ANKRD27: variants seen among roughly 807,000 people sequenced by gnomAD.
ANKRD27 encodes ankyrin repeat domain-containing protein 27.
ANKRD27 carries 112 observed loss-of-function variants against 129.7 expected under a neutral mutation model. That is an observed-to-expected ratio of 0.86 (90% CI 0.74 to 1.01). ANKRD27 has a LOEUF of 1.01. Ranked by LOEUF, ANKRD27 falls within the 50% of genes least tolerant of loss-of-function variation. The pLI is 0.00. For missense variants in ANKRD27, 1,258 were observed against 1,300.5 expected (o/e 0.97, Z 0.50); for synonymous variants, 516 against 511.2 (o/e 1.01, Z -0.13).
At position 32,606,939 on chromosome 19, in the gene ANKRD27, C is replaced by CAAAAAAAAAAAAAAAA. The variant is rs532062312; in HGVS notation, c.2373+680_2373+695dup. Among the ~76,000 whole-genome samples, 16 of 65,646 alleles carry CAAAAAAAAAAAAAAAA rather than the reference C, an allele frequency of 2.4e-4. 2 individuals are homozygous for CAAAAAAAAAAAAAAAA. The highest frequency in any genetic ancestry group is 1.2e-3 in the East Asian group (2 of 1,710). The allele number at this position is 65,646 out of a possible 152,430, so 43.1% of individuals were successfully genotyped here. On this transcript the variant is annotated intron_variant, in intron 23 of 28. Coordinates refer to ENST00000306065, the MANE Select transcript of ANKRD27 (RefSeq NM_032139.3). ...ACAACATGGTGAAACCCCATCTCCACAAAAAAAAAAAAAAAAAAAAAAAAA... is the reference window on the plus strand; with the variant it reads ...ACAACATGGTGAAACCCCATCTCCACAAAAAAAAAAAAAAAAAAAAAAAAAAAAAAAAAAAAAAAAA...
At position 32,611,860 on chromosome 19, in the gene ANKRD27, C is replaced by A. The variant is rs74558262; in HGVS notation, c.2175+3798G>T. On this transcript the variant is annotated intron_variant, in intron 22 of 28. Coordinates refer to ENST00000306065, the MANE Select transcript of ANKRD27 (RefSeq NM_032139.3). ...CCTCCCAAAGTGCTGGGATTACAGGCGTGAGCCATCGTGCCCGGCCAAATT... is the reference window on the plus strand; with the variant it reads ...CCTCCCAAAGTGCTGGGATTACAGGAGTGAGCCATCGTGCCCGGCCAAATT... 0.017 allele frequency among the ~76,000 whole-genome samples: 2,543 copies of A among 152,202 alleles called. 138 individuals are homozygous for A. The East Asian group carries it at 0.21, about 13-fold the overall frequency.
At position 32,609,674 on chromosome 19, in the gene ANKRD27, G is replaced by C. The variant is rs546937059; in HGVS notation, c.2176-1842C>G. ...GATGGGGGAATGGGGGGGTCATAGT[G>C]GGGGGGAAGGCAAAATCTCACAGGA... On this transcript the variant is annotated intron_variant, in intron 22 of 28. Coordinates refer to ENST00000306065, the MANE Select transcript of ANKRD27 (RefSeq NM_032139.3). Among the ~76,000 whole-genome samples the C allele has an allele frequency of 9.3e-5, 13 of 140,360 alleles. No individual in the cohort carries two copies. The Middle Eastern group carries it at 0.015, about 158-fold the overall frequency. 92.1% of individuals were successfully genotyped at this position (140,360 alleles called of 152,430 possible). A position where few individuals can be genotyped will look rare whatever the true frequency, so the allele number is the denominator to read the frequency against.
At chr19:32,658,026 C>A (rs1967575330) in intron 2 of ANKRD27, among the ~76,000 whole-genome samples, 1 of 152,124 alleles carries the variant, frequency 6.6e-6, no homozygotes, top group African/African-American at 2.4e-5. Flanking sequence ...ATTCCGGCGT[C>A]CGAGAGGCCG....
chr19:32,608,359 CT>C, intron 22 of ANKRD27: 1 of 304,380 alleles, frequency 3.3e-6, no homozygotes, highest in Non-Finnish European at 6.5e-6. Flanking sequence ...TCCAAATTTC[CT>C]TTGAGGGGCA....
At chr19:32,653,269 T>C (rs972266120) in intron 2 of ANKRD27, among the ~76,000 whole-genome samples, 1 of 152,200 alleles carries the variant, frequency 6.6e-6, no homozygotes, top group East Asian at 1.9e-4. Flanking sequence ...AGTTAGTTCC[T>C]GGGGCTTAGA....
chr19:32,664,617 A>AAATAACAATAATAAT (rs376769346), intron 1 of ANKRD27, among the ~76,000 whole-genome samples: 23 of 128,328 alleles, frequency 1.8e-4, no homozygotes, highest in African/African-American at 6.5e-4. Flanking sequence ...CTCCATCCCC[A>AAATAACAATAATAAT]AATAATAATA....
chr19:32,661,627 G>A lies in ANKRD27; in HGVS notation c.-30-2582C>T, dbSNP rs113063227. ...CAAAACGCTGGGATTACAGGCATGA[G>A]TCACTGTGCCTGGCCAGAAGTTTTG... is the stretch of plus-strand genomic sequence containing the variant. On this transcript the variant is annotated intron_variant, in intron 1 of 28. Coordinates refer to ENST00000306065, the MANE Select transcript of ANKRD27 (RefSeq NM_032139.3). 6.7e-3 allele frequency among the ~76,000 whole-genome samples: 1,023 copies of A among 152,248 alleles called. 11 individuals are homozygous for A. Among genetic ancestry groups the A allele is most frequent in the African/African-American group, 0.023 (956 of 41,536 alleles).
intron 17 of ANKRD27, among the ~76,000 whole-genome samples, chr19:32,625,329 G>A (rs1023401530): frequency 7.9e-5 from 12 of 152,056 alleles, no homozygotes; most frequent in Admixed American, 6.6e-4. Context: ...AGAACCAGAC[G>A]GTAGCAAGGA....
intron 1 of ANKRD27, among the ~76,000 whole-genome samples, chr19:32,674,571 A>ACC (rs10711405): frequency 2.6e-5 from 4 of 151,204 alleles, no homozygotes; most frequent in African/African-American, 9.7e-5. Flanking sequence ...GAATGCAGAG[A>ACC]CCCCCCCGCC....
chr19:32,637,161 C>T (rs1274558690), intron 12 of ANKRD27: 1 of 152,236 alleles, frequency 6.6e-6, no homozygotes, highest in African/African-American at 2.4e-5. Flanking sequence ...CACCTGAGAG[C>T]ACCTGGACAG....
At chr19:32,603,368 C>T (rs780058425) in intron 25 of ANKRD27, among the ~76,000 whole-genome samples, 10 of 152,142 alleles carry the variant, frequency 6.6e-5, no homozygotes, top group Admixed American at 2.0e-4. Flanking sequence ...TAACAGCCTA[C>T]TCGCTGTCTA....
intron 13 of ANKRD27, among the ~76,000 whole-genome samples, chr19:32,630,444 G>A: frequency 6.6e-6 from 1 of 152,244 alleles, no homozygotes; most frequent in East Asian, 1.9e-4. Flanking sequence ...CCAACCCAGT[G>A]CACACGCCCA....
intron 1 of ANKRD27, among the ~76,000 whole-genome samples, chr19:32,672,342 A>G (rs562643469): frequency 6.6e-4 from 101 of 152,346 alleles, no homozygotes; most frequent in African/African-American, 2.4e-3. Flanking sequence ...CTCCTGACCT[A>G]TAACATTTAG....
At chr19:32,611,501 C>T (rs1568398674) in intron 22 of ANKRD27, among the ~76,000 whole-genome samples, 2 of 152,206 alleles carry the variant, frequency 1.3e-5, no homozygotes, top group Non-Finnish European at 2.9e-5. Flanking sequence ...GAGTCACCCA[C>T]GCTGAAGTTC....
chr19:32,634,511 C>T (rs1453304681), intron 12 of ANKRD27, among the ~76,000 whole-genome samples: 1 of 152,196 alleles, frequency 6.6e-6, no homozygotes. Context: ...AAGAGGGGTG[C>T]CTTGGGCTGT....
At position 32,639,601 on chromosome 19, in the gene ANKRD27, G is replaced by A. The variant is rs1486255054; in HGVS notation, c.984-113C>T. On this transcript the variant is annotated intron_variant, in intron 11 of 28. Coordinates refer to ENST00000306065, the MANE Select transcript of ANKRD27 (RefSeq NM_032139.3). ...AATATCTAGTCAGTTGGTTCGCTCA[G>A]GAAGCTACGACCACCATCCCCTGGA... The A allele has an allele frequency of 2.6e-6, 3 of 1,136,040 alleles. No individual in the cohort carries two copies. In the Admixed American group the frequency reaches 6.0e-5, roughly 23 times the overall value. 70.4% of individuals were successfully genotyped at this position (1,136,040 alleles called of 1,614,324 possible). A position where few individuals can be genotyped will look rare whatever the true frequency, so the allele number is the denominator to read the frequency against.
chr19:32,626,582 G>T (rs1028220911), intron 16 of ANKRD27, 130 bp downstream of exon 16: 4 of 650,506 alleles, frequency 6.1e-6, no homozygotes, highest in Non-Finnish European at 1.0e-5. Context: ...AGCAGAGCTG[G>T]TGTGGAACGA....
In ANKRD27 at chr19:32,628,771, T is replaced by C. The variant is rs1350719787; in HGVS notation, c.1288A>G (p.Met430Val). 1.2e-6 allele frequency: 2 copies of C among 1,614,120 alleles called. No homozygotes were observed. The highest frequency in any genetic ancestry group is 1.3e-5 in the African/African-American group (1 of 75,030). The stretch of plus-strand genomic sequence containing the variant: ...TCGCAGAAGCAGAGAGGGTGACACA[T>C]CTTTTGGACGGTATCTTTATCATGG... ...EDHDKDTVQK[M>V]CHPLCFCDDC... is the part of the protein sequence containing the mutation. The change falls in exon 14 of 29, where the codon ATG becomes GTG. Residue 430 changes from methionine to valine, a missense_variant. By Grantham distance (21) the Met-to-Val change is conservative. Coordinates refer to ENST00000306065, the MANE Select transcript of ANKRD27 (RefSeq NM_032139.3).
intron 20 of ANKRD27, 139 bp downstream of exon 20, chr19:32,619,121 A>ACCGAGGCTGAGG: frequency 8.3e-7 from 1 of 1,200,638 alleles, no homozygotes; most frequent in South Asian, 1.5e-5. Context: ...AACCTCGGCC[A>ACCGAGGCTGAGG]CCACAGAGCA....
Sources: allele counts gnomAD v4.1 joint callset (sites outside exome capture counted in the v4.1 genomes callset), GRCh38; gene constraint gnomAD v4.1.1; transcripts MANE v1.5; gene names NCBI Gene and HGNC (gene_info 2026-07-23, HGNC 2026-07-21).